SHPRH: variants seen among roughly 807,000 people sequenced by gnomAD.
SHPRH encodes the protein E3 ubiquitin-protein ligase SHPRH.
SHPRH carries 106 observed loss-of-function variants against 202.5 expected under a neutral mutation model. The ratio of observed to expected loss-of-function variants is 0.52; its 90% CI spans 0.45 to 0.62. The LOEUF (loss-of-function observed/expected upper bound fraction) is 0.62, where lower values mean the gene tolerates loss of function less well. Ranked by LOEUF, SHPRH falls within the 20% of genes least tolerant of loss-of-function variation. The pLI, the probability that SHPRH is intolerant of heterozygous loss-of-function variation, is 0.00. For missense variants in SHPRH, 1,710 were observed against 2,020.0 expected (o/e 0.85, Z 2.94); for synonymous variants, 729 against 686.0 (o/e 1.06, Z -0.98).
intron 1 of SHPRH, among the ~76,000 whole-genome samples, chr6:145,959,205 A>G (rs1182047579): frequency 1.3e-5 from 2 of 152,210 alleles, no homozygotes; most frequent in African/African-American, 4.8e-5. Flanking sequence ...ACAGAAGTGT[A>G]CAGTAATGTC....
chr6:145,948,761 T>C (rs1173376621), intron 4 of SHPRH, among the ~76,000 whole-genome samples: 1 of 152,030 alleles, frequency 6.6e-6, no homozygotes, highest in African/African-American at 2.4e-5. Flanking sequence ...GGTGGCTAAA[T>C]ACATTTACCC....
In SHPRH at chr6:145,886,117, CAAAT is replaced by C. The variant is rs1167236968; in HGVS notation, c.*570_*573del. 1.0e-5 allele frequency: 2 copies of C among 192,290 alleles called. No homozygotes were observed. Among genetic ancestry groups the C allele is most frequent in the East Asian group, 1.2e-4 (1 of 8,224 alleles). The allele number at this position is 192,290 out of a possible 1,614,324, so 11.9% of individuals were successfully genotyped here. On this transcript the variant is annotated 3_prime_UTR_variant, in exon 30 of 30. Transcript: ENST00000275233. The stretch of plus-strand genomic sequence containing the variant: ...TTTCAGTAGCAAGATGCAGAAGAAA[CAAAT>C]AACTGTCTAACATTAACTTATTGTA...
chr6:145,889,614 T>C (rs961232737), intron 28 of SHPRH, among the ~76,000 whole-genome samples: 3 of 152,166 alleles, frequency 2.0e-5, no homozygotes, highest in African/African-American at 7.2e-5. Context: ...CTTCAGGCTA[T>C]GAGTAGAATT....
At chr6:145,872,162 A>G (rs1280091538) in intron 2 of SHPRH, among the ~76,000 whole-genome samples, 1 of 152,202 alleles carries the variant, frequency 6.6e-6, no homozygotes, top group Non-Finnish European at 1.5e-5. Context: ...GAAAACACTA[A>G]AAGCAATTGC....
intron 22 of SHPRH, chr6:145,919,045 T>G (rs1020466608): frequency 4.8e-6 from 1 of 209,190 alleles, no homozygotes; most frequent in Non-Finnish European, 9.4e-6. Context: ...AAAAAGTGAC[T>G]GAGAATATCT....
intron 24 of SHPRH, among the ~76,000 whole-genome samples, chr6:145,911,559 T>C (rs1291254652): frequency 1.3e-5 from 2 of 152,332 alleles, no homozygotes; most frequent in South Asian, 2.1e-4. Flanking sequence ...TTAGTCTAGG[T>C]GTAAGTTCTA....
Position 145,886,440 on chromosome 6 carries a change from A to T in SHPRH, c.*251T>A, listed in dbSNP as rs778657069. On this transcript the variant is annotated 3_prime_UTR_variant, in exon 30 of 30. Coordinates refer to ENST00000275233, the MANE Select transcript of SHPRH (RefSeq NM_001042683.3). ...TTCCCTTGCATCATCAGATATAGATACTATTTGGGACAAAAAATAAATGTT... is the reference window on the plus strand; with the variant it reads ...TTCCCTTGCATCATCAGATATAGATTCTATTTGGGACAAAAAATAAATGTT... 21 of 791,476 alleles carry T rather than the reference A, an allele frequency of 2.7e-5. No homozygotes were observed. The highest frequency in any genetic ancestry group is 4.3e-5 in the Non-Finnish European group (19 of 439,958). 49.0% of individuals were successfully genotyped at this position (791,476 alleles called of 1,614,324 possible). A position where few individuals can be genotyped will look rare whatever the true frequency, so the allele number is the denominator to read the frequency against.
intron 13 of SHPRH, among the ~76,000 whole-genome samples, chr6:145,934,449 A>G (rs1189476424): frequency 7.1e-6 from 1 of 140,098 alleles, no homozygotes; most frequent in Admixed American, 7.6e-5. Context: ...CTGGGCAACA[A>G]GAGCGAAACT....
At position 145,934,972 on chromosome 6, in the gene SHPRH, C is replaced by T. The variant is rs1212799105; in HGVS notation, c.2925G>A (p.Leu975=). The change falls in exon 13 of 30, where the codon CTG becomes CTA. Residue 975 remains leucine (L), a synonymous_variant. Coordinates refer to ENST00000275233, the MANE Select transcript of SHPRH (RefSeq NM_001042683.3). Reference sequence around the variant, plus strand: ...GGTGACAGCAGGCCTGTCTGAGCCTCAGCAATGGATACAGGATAGAGGTGA... The same window carrying T: ...GGTGACAGCAGGCCTGTCTGAGCCTTAGCAATGGATACAGGATAGAGGTGA... ...RTVTSILYPL[L]RLRQACCHPQ... is the part of the protein sequence containing the mutation. 1 of 1,613,852 alleles carries T rather than the reference C, an allele frequency of 6.2e-7. No individual in the cohort carries two copies. The highest frequency in any genetic ancestry group is 1.3e-5 in the African/African-American group (1 of 74,890).
intron 25 of SHPRH, chr6:145,910,163 T>C (rs1435504361): frequency 3.8e-5 from 10 of 262,920 alleles, no homozygotes; most frequent in Admixed American, 4.8e-5. Flanking sequence ...TTGTGGTGGA[T>C]AGAAATATTA....
Position 145,935,330 on chromosome 6 carries a change from C to G in SHPRH, c.2681G>C (p.Ser894Thr), listed in dbSNP as rs1389557007. Reference sequence around the variant, plus strand: ...CCTCCACAGTATCTTGGCAATAAAGCTGTAGAGATGCTGAGGATTCTTCTT... The same window carrying G: ...CCTCCACAGTATCTTGGCAATAAAGGTGTAGAGATGCTGAGGATTCTTCTT... ...YCKKNPQHLY[S>T]FIAKILWRSA... is the part of the protein sequence containing the mutation. The change falls in exon 12 of 30, where the codon AGC becomes ACC. Residue 894 changes from serine (S) to threonine (T), a missense_variant. By Grantham distance (58) the Ser-to-Thr change is moderately conservative (BLOSUM62 1). This residue lies in a region of SHPRH where 277 missense variants were observed against 363.0 expected (regional missense o/e 0.76). Coordinates refer to ENST00000275233, the MANE Select transcript of SHPRH (RefSeq NM_001042683.3). 6.2e-7 allele frequency: 1 copy of G among 1,614,008 alleles called. No individual in the cohort carries two copies. The highest frequency in any genetic ancestry group is 1.7e-5 in the Admixed American group (1 of 60,012).
At chr6:145,958,489 C>T (rs916801882) in intron 1 of SHPRH, among the ~76,000 whole-genome samples, 1 of 151,806 alleles carries the variant, frequency 6.6e-6, no homozygotes, top group Non-Finnish European at 1.5e-5. Context: ...TATGAATAGA[C>T]CAATAACCAT....
At chr6:145,923,494 G>C (rs2128751299) in intron 18 of SHPRH, 149 bp downstream of exon 18, 1 of 974,438 alleles carries the variant, frequency 1.0e-6, no homozygotes, top group East Asian at 2.6e-5. Flanking sequence ...GAATAAAAAA[G>C]GCTGCAAAAA....
intron 1 of SHPRH, among the ~76,000 whole-genome samples, chr6:145,957,912 GAAGAAAA>G (rs1328926187): frequency 6.6e-6 from 1 of 152,132 alleles, no homozygotes; most frequent in Non-Finnish European, 1.5e-5. Flanking sequence ...CCCCAAACTG[GAAGAAAA>G]CCCAAATGTC....
intron 6 of SHPRH, among the ~76,000 whole-genome samples, chr6:145,947,198 A>G (rs1787480389): frequency 6.6e-6 from 1 of 152,060 alleles, no homozygotes; most frequent in Non-Finnish European, 1.5e-5. Flanking sequence ...GTGACAAAAC[A>G]TTTGAGGAGT....
At chr6:145,938,777 CCA>C (rs1786401283) in intron 11 of SHPRH, among the ~76,000 whole-genome samples, 1 of 152,010 alleles carries the variant, frequency 6.6e-6, no homozygotes, top group African/African-American at 2.4e-5. Flanking sequence ...GATGTAAACC[CCA>C]GTTTTTATAT....
intron 25 of SHPRH, among the ~76,000 whole-genome samples, chr6:145,902,306 G>C (rs1451192797): frequency 6.6e-6 from 1 of 152,066 alleles, no homozygotes; most frequent in East Asian, 1.9e-4. Context: ...ATGTCATGTG[G>C]CTTATCTGCT....
chr6:145,882,091 C>CAA (rs767137504), downstream of SHPRH, among the ~76,000 whole-genome samples: 1 of 106,796 alleles, frequency 9.4e-6, no homozygotes. Context: ...GACTGTGTCT[C>CAA]AAAAAAAAAA....
intron 14 of SHPRH, 60 bp from the exon 15 acceptor site, chr6:145,927,337 T>C: frequency 1.4e-6 from 2 of 1,390,580 alleles, no homozygotes; most frequent in Non-Finnish European, 2.0e-6. Context: ...CCCAATGTCA[T>C]CTAGTTGTCC....
Sources: gnomAD v4.1 joint callset for allele counts (sites outside exome capture counted in the v4.1 genomes callset) on GRCh38, gnomAD v4.1.1 for gene constraint, gnomAD v4.1.1 regional missense constraint, MANE v1.5 for transcripts, NCBI Gene and HGNC (gene_info 2026-07-23, HGNC 2026-07-21) for gene names.